Variants in TAF4B observed in about 807,000 individuals in gnomAD.
TAF4B encodes TATA-box binding protein associated factor 4b, also known as transcription initiation factor TFIID subunit 4B.
Under a neutral mutation model 86.4 loss-of-function variants are expected in TAF4B, and 38 were observed. The observed-to-expected ratio is 0.44, with a 90% CI of 0.34 to 0.58. The LOEUF (loss-of-function observed/expected upper bound fraction) is 0.58. TAF4B is among the 20% of genes least tolerant of loss of function. TAF4B has a pLI of 0.02. For missense variants in TAF4B, 988 were observed against 1,027.6 expected (o/e 0.96, Z 0.53); for synonymous variants, 388 against 391.2 (o/e 0.99, Z 0.10).
At chr18:26,372,212 A>G (rs534939414) in intron 14 of TAF4B, among the ~76,000 whole-genome samples, 47 of 152,196 alleles carry the variant, frequency 3.1e-4, no homozygotes, top group Non-Finnish European at 2.2e-4. Context: ...AATGGTGTCT[A>G]CCTACCAAAA....
chr18:26,308,805 G>A (rs2056823194), intron 9 of TAF4B, among the ~76,000 whole-genome samples: 1 of 147,886 alleles, frequency 6.8e-6, no homozygotes, highest in Non-Finnish European at 1.5e-5. Context: ...CTGGGAGGCG[G>A]AGGATGCAGT....
intron 14 of TAF4B, among the ~76,000 whole-genome samples, chr18:26,385,065 C>T (rs767261362): frequency 1.4e-4 from 22 of 152,244 alleles, no homozygotes; most frequent in Non-Finnish European, 1.6e-4. Context: ...TATGGAGTCA[C>T]TGCAAACCCC....
At chr18:26,335,750 T>C (rs1217769507) in intron 13 of TAF4B, among the ~76,000 whole-genome samples, 8 of 152,184 alleles carry the variant, frequency 5.3e-5, no homozygotes, top group Non-Finnish European at 8.8e-5. Context: ...GGTTTTAGTT[T>C]ATAGCTTAGA....
chr18:26,285,831 C>A, intron 6 of TAF4B, 51 bp from the exon 7 acceptor site: 1 of 1,554,616 alleles, frequency 6.4e-7, no homozygotes. Context: ...TTTTGTTTCA[C>A]AAGTAGCTGA....
intron 8 of TAF4B, 23 bp downstream of exon 8, chr18:26,292,404 C>T (rs1380818670): frequency 2.1e-5 from 34 of 1,599,196 alleles, no homozygotes; most frequent in Non-Finnish European, 2.9e-5. Context: ...CCATCTCAGT[C>T]CCATCATGCT....
At chr18:26,229,306 G>A (rs939232232) in intron 1 of TAF4B, among the ~76,000 whole-genome samples, 2 of 152,170 alleles carry the variant, frequency 1.3e-5, no homozygotes, top group African/African-American at 4.8e-5. Flanking sequence ...CGTTATAGAG[G>A]AAGTGGGGAT....
At chr18:26,317,638 A>G (rs2056925223) in intron 10 of TAF4B, among the ~76,000 whole-genome samples, 1 of 152,150 alleles carries the variant, frequency 6.6e-6, no homozygotes. Context: ...TTTATTTCTC[A>G]TAGTTCTGGA....
chr18:26,280,713 A>G (rs879175633), intron 5 of TAF4B, among the ~76,000 whole-genome samples: 1 of 152,238 alleles, frequency 6.6e-6, no homozygotes, highest in Non-Finnish European at 1.5e-5. Context: ...AATGTAAATT[A>G]GGTTAGCTAC....
At chr18:26,387,749 C>T (rs1001067752) in intron 14 of TAF4B, among the ~76,000 whole-genome samples, 1 of 152,084 alleles carries the variant, frequency 6.6e-6, no homozygotes, top group Non-Finnish European at 1.5e-5. Context: ...TCTTTTAGAA[C>T]GTGGACTTTC....
intron 14 of TAF4B, among the ~76,000 whole-genome samples, chr18:26,361,149 C>A (rs2057326308): frequency 6.6e-6 from 1 of 151,964 alleles, no homozygotes; most frequent in Admixed American, 6.6e-5. Flanking sequence ...GTTGAAAAAA[C>A]CTCCAAAACC....
intron 1 of TAF4B, among the ~76,000 whole-genome samples, chr18:26,228,412 T>C (rs1053569509): frequency 4.1e-4 from 62 of 152,230 alleles, no homozygotes; most frequent in African/African-American, 1.4e-3. Flanking sequence ...GTTTCAGTTT[T>C]ATATGGTATA....
At chr18:26,368,588 A>G (rs2057386272) in intron 14 of TAF4B, among the ~76,000 whole-genome samples, 1 of 152,186 alleles carries the variant, frequency 6.6e-6, no homozygotes, top group African/African-American at 2.4e-5. Context: ...TTTGTTTATT[A>G]TAGCTGACTT....
At chr18:26,324,595 A>G (rs2056989711) in intron 11 of TAF4B, among the ~76,000 whole-genome samples, 1 of 152,174 alleles carries the variant, frequency 6.6e-6, no homozygotes. Context: ...ATTTAGTTGC[A>G]CTAGGCAAAA....
rs1568148090 is a variant in TAF4B at position 26,315,155 on chromosome 18, TCTCTCTCA to T, written c.1833-72_1833-65del. On this transcript the variant is annotated intron_variant, in intron 9 of 14. Transcript: ENST00000269142. ...CTCTCTCTCTCTCTCTGTCTCTCTC[TCTCTCTCA>T]CACACACACACACACACACACACAC... 2.9e-3 allele frequency: 1,355 copies of T among 464,774 alleles called. 31 individuals carry two copies. The highest frequency in any genetic ancestry group is 2.5e-3 in the Non-Finnish European group (819 of 324,116). The allele number at this position is 464,774 out of a possible 1,614,324, so 28.8% of individuals were successfully genotyped here.
In TAF4B at chr18:26,357,789, A is replaced by ATT; in HGVS notation, c.2417_2418dup (p.Glu807LeufsTer4). 1.3e-6 allele frequency: 2 copies of ATT among 1,594,626 alleles called. No homozygotes were observed. Among genetic ancestry groups the ATT allele is most frequent in the Non-Finnish European group, 1.7e-6 (2 of 1,167,250 alleles). ...GAAGAAGAGACCACTAGAATCTGGA[A>ATT]TTGAGGTATTGAAATAATATTCATT... is the stretch of plus-strand genomic sequence containing the variant. On this transcript the variant is annotated frameshift_variant, in exon 14 of 15. Transcript: ENST00000269142. LOFTEE classifies it high-confidence loss of function.
Position 26,229,344 on chromosome 18 carries a change from G to T in TAF4B, c.343+2068G>T, listed in dbSNP as rs185670814. Reference sequence around the variant, plus strand: ...GCTTTTGGGAATTTTCTGCTGACGTGTGGCAGAAGGGTGTACTAACTACAT... The same window carrying T: ...GCTTTTGGGAATTTTCTGCTGACGTTTGGCAGAAGGGTGTACTAACTACAT... On this transcript the variant is annotated intron_variant, in intron 1 of 14. Transcript: ENST00000269142. Among the ~76,000 whole-genome samples, 524 of 152,282 alleles carry T rather than the reference G, an allele frequency of 3.4e-3. 4 individuals carry two copies. Among genetic ancestry groups the T allele is most frequent in the African/African-American group, 0.012 (490 of 41,560 alleles).
intron 1 of TAF4B, among the ~76,000 whole-genome samples, chr18:26,242,837 C>T (rs1201455570): frequency 6.6e-6 from 1 of 152,148 alleles, no homozygotes; most frequent in African/African-American, 2.4e-5. Context: ...TTCTCCTTCA[C>T]TTATGAAGCT....
chr18:26,319,723 C>T (rs538877299), intron 10 of TAF4B, among the ~76,000 whole-genome samples: 7 of 151,584 alleles, frequency 4.6e-5, no homozygotes, highest in African/African-American at 1.2e-4. Context: ...TCGTGTAGCT[C>T]GGATTACAGG....
chr18:26,343,649 T>C (rs1465293694), intron 13 of TAF4B, among the ~76,000 whole-genome samples: 1 of 152,246 alleles, frequency 6.6e-6, no homozygotes, highest in Non-Finnish European at 1.5e-5. Context: ...AGGTTTGAAG[T>C]GTACAGGTCC....
Sources: allele counts gnomAD v4.1 joint callset (sites outside exome capture counted in the v4.1 genomes callset), GRCh38; gene constraint gnomAD v4.1.1; transcripts MANE v1.5; gene names NCBI Gene and HGNC (gene_info 2026-07-23, HGNC 2026-07-21).